Variants in ASNS observed in about 807,000 individuals in gnomAD.
ASNS encodes the protein asparagine synthetase (glutamine-hydrolyzing).
A neutral mutation model predicts 62.6 loss-of-function variants in ASNS; 37 were observed. That is an observed-to-expected ratio of 0.59 (90% CI 0.45 to 0.78). The LOEUF (loss-of-function observed/expected upper bound fraction) is 0.78, where lower values mean the gene tolerates loss of function less well. Among genes scored for constraint, ASNS ranks in the 30% least tolerant of loss-of-function variants. The probability of loss-of-function intolerance (pLI) is 0.00; values close to 1 mark genes in which losing one functional copy is unlikely to be tolerated. For synonymous variants in ASNS, 207 were observed against 237.9 expected (o/e 0.87, Z 1.19); for missense variants, 520 against 682.4 (o/e 0.76, Z 2.65).
At chr7:97,882,831 G>A in the ASNS span, among the ~76,000 whole-genome samples, 1 of 152,206 alleles carries the variant, frequency 6.6e-6, no homozygotes, top group Admixed American at 6.5e-5. Flanking sequence ...ACATGGCTGA[G>A]TGTTGGTACA....
chr7:97,922,926 G>A, the ASNS span, among the ~76,000 whole-genome samples: 2 of 151,982 alleles, frequency 1.3e-5, no homozygotes, highest in African/African-American at 4.8e-5. Flanking sequence ...CAAGCAGCTG[G>A]GATTACAGGT....
the ASNS span, among the ~76,000 whole-genome samples, chr7:97,920,095 C>G: frequency 6.6e-6 from 1 of 151,918 alleles, no homozygotes; most frequent in Non-Finnish European, 1.5e-5. Context: ...GCAAACTCCA[C>G]CTTCTGGGTT....
At chr7:97,903,979 AG>A in the ASNS span, among the ~76,000 whole-genome samples, 1 of 152,172 alleles carries the variant, frequency 6.6e-6, no homozygotes, top group Non-Finnish European at 1.5e-5. Context: ...TTCTGCCACT[AG>A]GATTGAGTTA....
the ASNS span, among the ~76,000 whole-genome samples, chr7:97,917,068 C>A: frequency 6.6e-6 from 1 of 152,088 alleles, no homozygotes; most frequent in Non-Finnish European, 1.5e-5. Context: ...CATGGGAACT[C>A]ATAAATGCAC....
At chr7:97,903,270 G>T in the ASNS span, among the ~76,000 whole-genome samples, 2 of 147,986 alleles carry the variant, frequency 1.4e-5, no homozygotes, top group Non-Finnish European at 3.0e-5. Context: ...AATCAGCCTG[G>T]TGCCTTTAGA....
At chr7:97,867,090 G>A (rs1430043776) in intron 3 of ASNS, among the ~76,000 whole-genome samples, 3 of 131,134 alleles carry the variant, frequency 2.3e-5, no homozygotes, top group African/African-American at 7.5e-5. Flanking sequence ...CTCCAATGCT[G>A]CACCTTAAAT....
At chr7:97,887,678 G>C in the ASNS span, among the ~76,000 whole-genome samples, 1 of 133,684 alleles carries the variant, frequency 7.5e-6, no homozygotes, top group African/African-American at 2.7e-5. Flanking sequence ...ACATGCTCAT[G>C]CTAGATTGAC....
At chr7:97,889,404 C>G in the ASNS span, among the ~76,000 whole-genome samples, 1 of 152,184 alleles carries the variant, frequency 6.6e-6, no homozygotes. Flanking sequence ...ATAGTCCCAG[C>G]TACTCAGGAG....
the ASNS span, among the ~76,000 whole-genome samples, chr7:97,877,659 T>G: frequency 6.6e-6 from 1 of 152,124 alleles, no homozygotes; most frequent in Non-Finnish European, 1.5e-5. Context: ...CTCCTAGAGC[T>G]GCCACCTCCA....
At chr7:97,890,156 C>A in the ASNS span, among the ~76,000 whole-genome samples, 1 of 151,584 alleles carries the variant, frequency 6.6e-6, no homozygotes, top group African/African-American at 2.4e-5. Flanking sequence ...TCCAGTCAGA[C>A]AAAAAGAAAG....
intron 3 of ASNS, among the ~76,000 whole-genome samples, chr7:97,868,062 C>T (rs1345653838): frequency 2.0e-5 from 3 of 152,154 alleles, no homozygotes; most frequent in Non-Finnish European, 4.4e-5. Flanking sequence ...CTTGGTAGCA[C>T]TTTGAGAGGT....
rs148111963 is a variant in ASNS at position 97,858,901 on chromosome 7, A to G, written c.728T>C (p.Val243Ala). The change falls in exon 6 of 13, where the codon GTA becomes GCA. Residue 243 changes from valine (V) to alanine (A), a missense_variant. Coordinates refer to ENST00000394308, the MANE Select transcript of ASNS (RefSeq NM_001673.5). Reference protein sequence around the residue: ...NNLRILFNNAVKKRLMTDRRI... With the variant: ...NNLRILFNNAAKKRLMTDRRI... ...TCTGTCTGTCATCAAACGTTTCTTTACAGCATTATTAAAAAGGATCCTGAG... is the reference window on the plus strand; with the variant it reads ...TCTGTCTGTCATCAAACGTTTCTTTGCAGCATTATTAAAAAGGATCCTGAG... The G allele has an allele frequency of 4.3e-5, 70 of 1,613,920 alleles. No individual in the cohort carries two copies. Among genetic ancestry groups the G allele is most frequent in the Non-Finnish European group, 5.8e-5 (68 of 1,179,952 alleles).
chr7:97,874,748 G>A (rs537180721), upstream of ASNS, among the ~76,000 whole-genome samples: 6 of 152,320 alleles, frequency 3.9e-5, no homozygotes, highest in South Asian at 2.1e-4. Flanking sequence ...ATAAATACAC[G>A]GATAGGCACT....
At chr7:97,856,928 A>C in intron 7 of ASNS, 112 bp from the exon 8 acceptor site, 4 of 1,188,838 alleles carry the variant, frequency 3.4e-6, no homozygotes, top group South Asian at 1.7e-5. Context: ...TGAAAACTAA[A>C]CAAGGGAAAA....
At chr7:97,898,560 A>T in the ASNS span, 1 of 593,354 alleles carries the variant, frequency 1.7e-6, no homozygotes, top group South Asian at 1.7e-5. Context: ...GTCTGGAATC[A>T]ATTTATTGAC....
the ASNS span, among the ~76,000 whole-genome samples, chr7:97,909,531 ACT>A: frequency 6.6e-6 from 1 of 151,028 alleles, no homozygotes; most frequent in Non-Finnish European, 1.5e-5. Context: ...CTTGTCTCAA[ACT>A]CTCGGCCTCA....
chr7:97,923,439 G>C, the ASNS span, among the ~76,000 whole-genome samples: 199 of 152,258 alleles, frequency 1.3e-3, 5 homozygotes, highest in South Asian at 0.015. Context: ...AAGTTAGTCA[G>C]GCATGGTGGC....
At chr7:97,912,532 C>A in the ASNS span, among the ~76,000 whole-genome samples, 1 of 149,548 alleles carries the variant, frequency 6.7e-6, no homozygotes, top group South Asian at 2.1e-4. Context: ...AATTGCCTCC[C>A]CTAGGGGAGA....
chr7:97,857,689 G>A (rs1466516640), intron 7 of ASNS, among the ~76,000 whole-genome samples: 1 of 148,832 alleles, frequency 6.7e-6, no homozygotes, highest in Admixed American at 6.7e-5. Flanking sequence ...TTGCTACGTT[G>A]CCCAGCCTGG....
Sources: gnomAD v4.1 joint callset for allele counts (sites outside exome capture counted in the v4.1 genomes callset) on GRCh38, gnomAD v4.1.1 for gene constraint, MANE v1.5 for transcripts, NCBI Gene and HGNC (gene_info 2026-07-23, HGNC 2026-07-21) for gene names.